PTPN4: variants seen among roughly 807,000 people sequenced by gnomAD.
PTPN4 encodes protein tyrosine phosphatase non-receptor type 4.
PTPN4 carries 49 observed loss-of-function variants against 135.5 expected under a neutral mutation model. The observed-to-expected ratio is 0.36, with a 90% CI of 0.29 to 0.46. PTPN4 has a LOEUF of 0.46. Among genes scored for constraint, PTPN4 ranks in the 20% least tolerant of loss-of-function variants. The pLI is 1.00. For missense variants in PTPN4, 860 were observed against 1,101.0 expected (o/e 0.78, Z 3.10); for synonymous variants, 333 against 369.9 (o/e 0.90, Z 1.14).
rs1057138569 is a variant in PTPN4 at position 119,775,139 on chromosome 2, T to C, written c.-18+14755T>C. Among the ~76,000 whole-genome samples the C allele has an allele frequency of 6.7e-5, 9 of 134,998 alleles. No individual in the cohort carries two copies. In the Admixed American group the frequency reaches 7.1e-4, roughly 11 times the overall value. 88.6% of individuals were successfully genotyped at this position (134,998 alleles called of 152,430 possible). A position where few individuals can be genotyped will look rare whatever the true frequency, so the allele number is the denominator to read the frequency against. ...AAAAAAAAAAAAGCCACAAAGGACATTTATTAGTAAGAGAGAAGTGAGCAT... is the reference window on the plus strand; with the variant it reads ...AAAAAAAAAAAAGCCACAAAGGACACTTATTAGTAAGAGAGAAGTGAGCAT... On this transcript the variant is annotated intron_variant, in intron 1 of 26. Transcript: ENST00000263708.
intron 13 of PTPN4, 100 bp from the exon 14 acceptor site, chr2:119,932,324 C>G: frequency 8.5e-7 from 1 of 1,174,586 alleles, no homozygotes; most frequent in South Asian, 1.8e-5. Flanking sequence ...TTATGTTGCT[C>G]ATCTAGAACA....
intron 22 of PTPN4, among the ~76,000 whole-genome samples, chr2:119,958,880 G>T (rs1202760620): frequency 3.9e-5 from 6 of 152,026 alleles, no homozygotes; most frequent in African/African-American, 9.7e-5. Flanking sequence ...CATCCTTCTT[G>T]CACTTAGAAA....
chr2:119,783,730 A>G (rs1690989006), intron 1 of PTPN4, among the ~76,000 whole-genome samples: 1 of 152,238 alleles, frequency 6.6e-6, no homozygotes, highest in Non-Finnish European at 1.5e-5. Context: ...AGGAACTGTC[A>G]TTGTTTTAAG....
chr2:119,970,837 TTTCA>T (rs1268196734), intron 26 of PTPN4, among the ~76,000 whole-genome samples: 2 of 152,250 alleles, frequency 1.3e-5, no homozygotes, highest in Non-Finnish European at 2.9e-5. Context: ...CAGGTCATGT[TTTCA>T]TTCTGTTTAA....
intron 1 of PTPN4, chr2:119,791,285 A>C (rs939822492): frequency 6.6e-6 from 1 of 152,132 alleles, no homozygotes; most frequent in East Asian, 1.9e-4. Context: ...ATGTGCCACT[A>C]TGCCCAGCTA....
chr2:119,795,646 G>A (rs1233210108), intron 1 of PTPN4, among the ~76,000 whole-genome samples: 1 of 151,372 alleles, frequency 6.6e-6, no homozygotes, highest in Non-Finnish European at 1.5e-5. Flanking sequence ...GTGAGGGCAA[G>A]GGGGGGCCTT....
At chr2:119,958,359 G>A (rs1452576660) in intron 22 of PTPN4, among the ~76,000 whole-genome samples, 1 of 150,498 alleles carries the variant, frequency 6.6e-6, no homozygotes, top group African/African-American at 2.4e-5. Flanking sequence ...TGAAAATAAT[G>A]GATGAAGGAC....
chr2:119,902,782 A>G (rs1038125290), intron 10 of PTPN4, among the ~76,000 whole-genome samples: 3 of 152,212 alleles, frequency 2.0e-5, no homozygotes, highest in African/African-American at 4.8e-5. Context: ...AGATTACTGC[A>G]GTCCTTCTTA....
intron 15 of PTPN4, among the ~76,000 whole-genome samples, chr2:119,938,010 G>T (rs1239092257): frequency 6.7e-6 from 1 of 150,296 alleles, no homozygotes; most frequent in East Asian, 2.0e-4. Context: ...TTGGTAAAAA[G>T]CCCCAATATG....
chr2:119,926,581 A>C lies in PTPN4; in HGVS notation c.1002-17A>C. ...TTCTCTTAAGACTTTATTGTTGTGC[A>C]TATTTATATATTTCAGTGGGAGAAC... On this transcript the variant is annotated splice_polypyrimidine_tract_variant and intron_variant, in intron 12 of 26. Coordinates refer to ENST00000263708, the MANE Select transcript of PTPN4 (RefSeq NM_002830.4). The C allele has an allele frequency of 6.5e-7, 1 of 1,538,764 alleles. No homozygotes were observed. Among genetic ancestry groups the C allele is most frequent in the Non-Finnish European group, 8.9e-7 (1 of 1,126,084 alleles).
intron 1 of PTPN4, among the ~76,000 whole-genome samples, chr2:119,792,522 AAT>A (rs1691167441): frequency 6.6e-6 from 1 of 152,250 alleles, no homozygotes; most frequent in African/African-American, 2.4e-5. Flanking sequence ...GTTAAAAGCC[AAT>A]ATTAAAATTT....
chr2:119,950,087 G>GGGT (rs1456804199), intron 18 of PTPN4, among the ~76,000 whole-genome samples: 1 of 152,104 alleles, frequency 6.6e-6, no homozygotes, highest in Non-Finnish European at 1.5e-5. Context: ...GAGATTCATA[G>GGGT]CTATCCTCTT....
intron 22 of PTPN4, 114 bp from the exon 23 acceptor site, chr2:119,960,693 C>A (rs752014194): frequency 1.0e-5 from 9 of 866,692 alleles, no homozygotes; most frequent in Non-Finnish European, 1.5e-5. Flanking sequence ...TTACTGACGG[C>A]AGTTTATTGA....
At chr2:119,954,125 C>T (rs1037628698) in intron 19 of PTPN4, among the ~76,000 whole-genome samples, 4 of 152,034 alleles carry the variant, frequency 2.6e-5, no homozygotes, top group African/African-American at 9.7e-5. Flanking sequence ...CTTATTTCTT[C>T]TTAGGCAAAA....
At chr2:119,777,202 G>T (rs1386983178) in intron 1 of PTPN4, among the ~76,000 whole-genome samples, 1 of 152,080 alleles carries the variant, frequency 6.6e-6, no homozygotes, top group Non-Finnish European at 1.5e-5. Flanking sequence ...CTTCATGTTT[G>T]TTCTTCCTTC....
chr2:119,946,403 G>A lies in PTPN4; in HGVS notation c.1578G>A (p.Gly526=). 1 of 1,610,942 alleles carries A rather than the reference G, an allele frequency of 6.2e-7. No individual in the cohort carries two copies. ...TCAGAATGAAACCTGATGAAAATGG[G>A]AGGTTTGGATTCAATGTAAAGGTAA... The part of the protein sequence containing the change: ...VLIRMKPDEN[G]RFGFNVKGGY... The change falls in exon 17 of 27, where the codon GGG becomes GGA. Residue 526 remains glycine (G), a synonymous_variant. Transcript: ENST00000263708.
At chr2:119,791,371 A>G (rs1324809443) in intron 1 of PTPN4, 1 of 152,214 alleles carries the variant, frequency 6.6e-6, no homozygotes, top group Non-Finnish European at 1.5e-5. Context: ...TGACCTTGTG[A>G]TCTACCCACC....
chr2:119,829,145 A>C (rs186851358), intron 2 of PTPN4, among the ~76,000 whole-genome samples: 9 of 152,158 alleles, frequency 5.9e-5, no homozygotes, highest in African/African-American at 2.2e-4. Flanking sequence ...CTCATGCTGA[A>C]ATCTCCTACT....
intron 1 of PTPN4, among the ~76,000 whole-genome samples, chr2:119,783,372 G>T (rs1204762361): frequency 6.6e-6 from 1 of 152,158 alleles, no homozygotes; most frequent in Non-Finnish European, 1.5e-5. Flanking sequence ...CTGTAACAAA[G>T]GTCTCAGTAT....
Sources: gnomAD v4.1 joint callset for allele counts (sites outside exome capture counted in the v4.1 genomes callset) on GRCh38, gnomAD v4.1.1 for gene constraint, MANE v1.5 for transcripts, NCBI Gene and HGNC (gene_info 2026-07-23, HGNC 2026-07-21) for gene names.